Variants in NCKAP5 observed in about 807,000 individuals in gnomAD.
NCKAP5 encodes NCK associated protein 5.
In NCKAP5, 92 loss-of-function variants were observed where a neutral mutation model predicts 167.0. The ratio of observed to expected loss-of-function variants is 0.55; its 90% CI spans 0.47 to 0.66. The LOEUF (loss-of-function observed/expected upper bound fraction) is 0.66, where lower values mean the gene tolerates loss of function less well. NCKAP5 is among the 30% of genes least tolerant of loss of function. NCKAP5 has a pLI of 0.00. For missense variants in NCKAP5, 2,378 were observed against 2,315.0 expected (o/e 1.03, Z -0.56); for synonymous variants, 891 against 877.4 (o/e 1.02, Z -0.27).
rs201609535 is a variant in NCKAP5 at position 132,779,954 on chromosome 2, T to C, written c.5049+1098A>G. Among the ~76,000 whole-genome samples the C allele has an allele frequency of 2.0e-5, 3 of 152,288 alleles. No homozygotes were observed. In the East Asian group the frequency reaches 5.8e-4, roughly 29 times the overall value. On this transcript the variant is annotated intron_variant, in intron 15 of 19. Transcript: ENST00000409261. ...ATTAGAGTACAAAAAGATATGGATA[T>C]AGTAATTCCATAAAGAGAATATTTT...
Position 133,446,811 on chromosome 2 carries a change from G to A in NCKAP5, c.69+70647C>T, listed in dbSNP as rs140553819. On this transcript the variant is annotated intron_variant, in intron 3 of 19. Coordinates refer to ENST00000409261, the MANE Select transcript of NCKAP5 (RefSeq NM_207363.3). ...AGACAACCATGGGAGAGAGGGGAGA[G>A]GCAGGAAGAAGAGGTGAGAAGTGAG... Among the ~76,000 whole-genome samples the A allele has an allele frequency of 2.9e-3, 446 of 152,216 alleles. 2 individuals are homozygous for A. Among genetic ancestry groups the A allele is most frequent in the African/African-American group, 0.01 (433 of 41,530 alleles).
chr2:133,420,137 T>C (rs930344559), intron 3 of NCKAP5, among the ~76,000 whole-genome samples: 45 of 152,340 alleles, frequency 3.0e-4, no homozygotes, highest in African/African-American at 1.1e-3. Flanking sequence ...ATTAAAAAGA[T>C]AGACACATTT....
intron 19 of NCKAP5, among the ~76,000 whole-genome samples, chr2:132,675,026 T>C (rs1684252445): frequency 6.6e-6 from 1 of 152,234 alleles, no homozygotes; most frequent in Non-Finnish European, 1.5e-5. Context: ...ATAAATGGCA[T>C]TCAATGCAAT....
chr2:133,485,337 A>G (rs753204204), intron 3 of NCKAP5, among the ~76,000 whole-genome samples: 1 of 152,154 alleles, frequency 6.6e-6, no homozygotes, highest in African/African-American at 2.4e-5. Flanking sequence ...GGAACAACAG[A>G]TGGCCCATGC....
chr2:132,799,812 T>C (rs752987074), intron 11 of NCKAP5, among the ~76,000 whole-genome samples: 3 of 152,198 alleles, frequency 2.0e-5, no homozygotes, highest in Admixed American at 6.5e-5. Flanking sequence ...TTTATATTTA[T>C]GGGGGTGCAT....
Position 132,672,215 on chromosome 2 carries a change from C to T in NCKAP5, c.*1074G>A, listed in dbSNP as rs1027499718. The T allele has an allele frequency of 6.6e-6, 1 of 152,376 alleles. No homozygotes were observed. The highest frequency in any genetic ancestry group is 2.4e-5 in the African/African-American group (1 of 41,360). The allele number at this position is 152,376 out of a possible 1,614,324, so 9.4% of individuals were successfully genotyped here. On this transcript the variant is annotated 3_prime_UTR_variant, in exon 20 of 20. Coordinates refer to ENST00000409261, the MANE Select transcript of NCKAP5 (RefSeq NM_207363.3). ...AATTTGTTTTCATTTTTAGAGTGCC[C>T]AGATTTTAATAAAAAGAGCAAGAAG...
the NCKAP5 span, among the ~76,000 whole-genome samples, chr2:133,671,214 C>CAAA: frequency 5.7e-3 from 304 of 53,764 alleles, no homozygotes; most frequent in African/African-American, 7.3e-3. Context: ...GACTCCGTCT[C>CAAA]AAAAAAAAAA....
chr2:133,004,968 T>C (rs974493715), intron 6 of NCKAP5, among the ~76,000 whole-genome samples: 1 of 152,238 alleles, frequency 6.6e-6, no homozygotes, highest in African/African-American at 2.4e-5. Context: ...AATATGATTC[T>C]GTTCTGCCCA....
intron 5 of NCKAP5, among the ~76,000 whole-genome samples, chr2:133,210,785 GA>G (rs1263648748): frequency 6.6e-6 from 1 of 152,126 alleles, no homozygotes; most frequent in Non-Finnish European, 1.5e-5. Context: ...ATAAATTAAT[GA>G]AAGTCAGGGC....
At position 133,472,960 on chromosome 2, in the gene NCKAP5, G is replaced by A. The variant is rs1679480739; in HGVS notation, c.69+44498C>T. ...AGGCCTTTATCATCTTGATAAAGAT[G>A]ATAATTGTTACCTGGTTTCCATGCT... On this transcript the variant is annotated intron_variant, in intron 3 of 19. Transcript: ENST00000409261. Among the ~76,000 whole-genome samples, 3 of 152,176 alleles carry A rather than the reference G, an allele frequency of 2.0e-5. No homozygotes were observed. In the South Asian group the frequency reaches 6.2e-4, roughly 32 times the overall value.
the NCKAP5 span, among the ~76,000 whole-genome samples, chr2:133,608,658 T>C: frequency 6.6e-6 from 1 of 152,218 alleles, no homozygotes; most frequent in Non-Finnish European, 1.5e-5. Context: ...CAAAAGGTTT[T>C]GTTTGAGCCT....
chr2:132,895,881 TC>T (rs1366922306), intron 8 of NCKAP5, among the ~76,000 whole-genome samples: 1 of 144,858 alleles, frequency 6.9e-6, no homozygotes, highest in Non-Finnish European at 1.5e-5. Flanking sequence ...ATGCCTGTAA[TC>T]CCAGCACTTT....
chr2:132,804,294 T>A (rs1163667349), intron 11 of NCKAP5, among the ~76,000 whole-genome samples: 1 of 152,176 alleles, frequency 6.6e-6, no homozygotes, highest in Non-Finnish European at 1.5e-5. Context: ...AGGAAGTGAT[T>A]CAGCACAGCC....
intron 3 of NCKAP5, among the ~76,000 whole-genome samples, chr2:133,460,072 T>C (rs1374382139): frequency 6.6e-6 from 1 of 152,234 alleles, no homozygotes; most frequent in African/African-American, 2.4e-5. Context: ...TGACTAATGC[T>C]TAGTTTTATG....
intron 16 of NCKAP5, among the ~76,000 whole-genome samples, chr2:132,754,453 T>C (rs1680371380): frequency 6.6e-6 from 1 of 152,222 alleles, no homozygotes; most frequent in African/African-American, 2.4e-5. Flanking sequence ...TTATATCTTC[T>C]GTCATTACCA....
the NCKAP5 span, among the ~76,000 whole-genome samples, chr2:133,630,404 G>A: frequency 3.9e-5 from 6 of 152,192 alleles, no homozygotes; most frequent in African/African-American, 1.2e-4. Flanking sequence ...ATGGTTACAC[G>A]TATCTGTGAA....
intron 8 of NCKAP5, among the ~76,000 whole-genome samples, chr2:132,897,402 T>C (rs1338935697): frequency 6.6e-6 from 1 of 152,238 alleles, no homozygotes; most frequent in East Asian, 1.9e-4. Flanking sequence ...TAGAATAAAT[T>C]ATATACAAAG....
chr2:132,709,722 CA>C (rs1289708574), intron 19 of NCKAP5, among the ~76,000 whole-genome samples: 1 of 152,128 alleles, frequency 6.6e-6, no homozygotes, highest in East Asian at 1.9e-4. Context: ...TGCCTACAAA[CA>C]AAACATCAAA....
At chr2:132,966,041 T>A (rs966124299) in intron 7 of NCKAP5, among the ~76,000 whole-genome samples, 3 of 152,064 alleles carry the variant, frequency 2.0e-5, no homozygotes, top group African/African-American at 7.2e-5. Context: ...GACTTTGGAA[T>A]GTGACAGCCA....
Sources: gnomAD v4.1 joint callset for allele counts (sites outside exome capture counted in the v4.1 genomes callset) on GRCh38, gnomAD v4.1.1 for gene constraint, MANE v1.5 for transcripts, NCBI Gene and HGNC (gene_info 2026-07-23, HGNC 2026-07-21) for gene names.